The following KCNN3 variants were observed in gnomAD, a reference collection of about 807,000 sequenced individuals.
KCNN3 encodes small conductance calcium-activated potassium channel protein 3.
Under a neutral mutation model 62.9 loss-of-function variants are expected in KCNN3, and 16 were observed. The observed-to-expected ratio is 0.25, with a 90% CI of 0.17 to 0.39. The LOEUF is 0.39. Among genes scored for constraint, KCNN3 ranks in the 10% least tolerant of loss-of-function variants. KCNN3 has a pLI of 1.00. For missense variants in KCNN3, 599 were observed against 949.4 expected, an observed-to-expected ratio of 0.63 and a Z score of 4.85; for synonymous variants, 370 against 389.2, an observed-to-expected ratio of 0.95 and a Z score of 0.58.
At chr1:154,765,625 T>G (rs1331415881) in intron 3 of KCNN3, among the ~76,000 whole-genome samples, 2 of 146,932 alleles carry the variant, frequency 1.4e-5, no homozygotes, top group Non-Finnish European at 3.0e-5. Context: ...TTCTTTCTTT[T>G]TCCTTTTTTT....
At chr1:154,849,945 G>T (rs1271201551) in intron 1 of KCNN3, among the ~76,000 whole-genome samples, 3 of 152,192 alleles carry the variant, frequency 2.0e-5, no homozygotes, top group Non-Finnish European at 4.4e-5. Context: ...AGGAGCAAAA[G>T]TGCCCCAGTT....
chr1:154,750,315 C>T (rs945405624), intron 3 of KCNN3, among the ~76,000 whole-genome samples: 1 of 152,236 alleles, frequency 6.6e-6, no homozygotes, highest in African/African-American at 2.4e-5. Flanking sequence ...GCCTCCTGCA[C>T]CCCTCCTCAC....
chr1:154,795,202 G>A (rs1364220825), intron 2 of KCNN3, among the ~76,000 whole-genome samples: 2 of 152,224 alleles, frequency 1.3e-5, no homozygotes, highest in Admixed American at 6.5e-5. Flanking sequence ...CACTTGTGCA[G>A]CCGCTGGCTA....
chr1:154,714,471 ATGGTGTGTGTGTGGTTTGTG>A (rs1700178086), intron 6 of KCNN3, among the ~76,000 whole-genome samples: 1 of 30,300 alleles, frequency 3.3e-5, no homozygotes, highest in African/African-American at 1.3e-4. Context: ...TGTGGTGTGT[ATGGTGTGTGTGTGGTTTGTG>A]TGAGGTGTGT....
chr1:154,708,224 C>T lies in KCNN3; in HGVS notation c.1948G>A (p.Glu650Lys). 1 of 1,613,822 alleles carries T rather than the reference C, an allele frequency of 6.2e-7. No individual in the cohort carries two copies. Among genetic ancestry groups the T allele is most frequent in the Non-Finnish European group, 8.5e-7 (1 of 1,179,966 alleles). The change falls in exon 8 of 8, where the codon GAA becomes AAA. Residue 650 changes from glutamate to lysine, a missense_variant. Physicochemically the swap from Glu to Lys is moderately conservative, Grantham distance 56. Transcript: ENST00000271915. ...CTGCCAATCTGCTTCTCCAGGTCTTCGCTCCGGTCATTGAGTTCTGTGATT... is the reference window on the plus strand; with the variant it reads ...CTGCCAATCTGCTTCTCCAGGTCTTTGCTCCGGTCATTGAGTTCTGTGATT... The part of the protein sequence containing the change: ...DLITELNDRS[E>K]DLEKQIGSLE...
At chr1:154,735,658 A>AGC (rs1700698942) in intron 3 of KCNN3, among the ~76,000 whole-genome samples, 1 of 152,112 alleles carries the variant, frequency 6.6e-6, no homozygotes, top group Non-Finnish European at 1.5e-5. Context: ...ACCGTGACCC[A>AGC]GCGCATCAGC....
chr1:154,810,001 C>T (rs1378356412), intron 2 of KCNN3, among the ~76,000 whole-genome samples: 2 of 152,186 alleles, frequency 1.3e-5, no homozygotes, highest in African/African-American at 4.8e-5. Context: ...CCCTGGGCTG[C>T]TGTGGACCAA....
chr1:154,707,816 T>C lies in KCNN3; in HGVS notation c.*160A>G, dbSNP rs1177663369. Reference sequence around the variant, plus strand: ...ATTAGATTTCTGGTTTCAAGGCATGTCGGACCAAGCACGCTGAATGAACAT... The same window carrying C: ...ATTAGATTTCTGGTTTCAAGGCATGCCGGACCAAGCACGCTGAATGAACAT... On this transcript the variant is annotated 3_prime_UTR_variant, in exon 8 of 8. Transcript: ENST00000271915. 3.7e-6 allele frequency: 3 copies of C among 811,920 alleles called. No individual in the cohort carries two copies. The highest frequency in any genetic ancestry group is 5.8e-6 in the Non-Finnish European group (3 of 515,452). The allele number at this position is 811,920 out of a possible 1,614,324, so 50.3% of individuals were successfully genotyped here. A position where few individuals can be genotyped will look rare whatever the true frequency, so the allele number is the denominator to read the frequency against.
At chr1:154,759,554 G>A (rs1349730483) in intron 3 of KCNN3, among the ~76,000 whole-genome samples, 2 of 152,198 alleles carry the variant, frequency 1.3e-5, no homozygotes, top group Non-Finnish European at 2.9e-5. Context: ...CATGCCCTTA[G>A]GCATCCGCTG....
chr1:154,745,002 G>A (rs1700909665), intron 3 of KCNN3, among the ~76,000 whole-genome samples: 1 of 151,316 alleles, frequency 6.6e-6, no homozygotes, highest in South Asian at 2.1e-4. Context: ...TAAAATAAAT[G>A]GCTTTGAAGA....
chr1:154,761,568 A>C (rs945353154), intron 3 of KCNN3, among the ~76,000 whole-genome samples: 4 of 152,356 alleles, frequency 2.6e-5, no homozygotes, highest in Middle Eastern at 3.4e-3. Context: ...GTAATATCCT[A>C]CATAATGCTA....
chr1:154,784,392 G>A (rs1295423412), intron 2 of KCNN3, among the ~76,000 whole-genome samples: 1 of 152,152 alleles, frequency 6.6e-6, no homozygotes, highest in East Asian at 1.9e-4. Flanking sequence ...CACACCCGGT[G>A]TCTCATCCCA....
chr1:154,862,174 C>G lies in KCNN3; in HGVS notation c.933+6858G>C, dbSNP rs1474745756. On this transcript the variant is annotated intron_variant, in intron 1 of 7. Transcript: ENST00000271915. The surrounding 1 kb of genome is among the most constrained non-coding windows in gnomAD (Gnocchi z 4.1). ...TCAGAAGTGTACTGAGACCTGAGCTCTCATTCTAGAACCCTCTCTTTCCTG... is the reference window on the plus strand; with the variant it reads ...TCAGAAGTGTACTGAGACCTGAGCTGTCATTCTAGAACCCTCTCTTTCCTG... 1.3e-5 allele frequency among the ~76,000 whole-genome samples: 2 copies of G among 152,164 alleles called. No homozygotes were observed. Among genetic ancestry groups the G allele is most frequent in the African/African-American group, 4.8e-5 (2 of 41,420 alleles).
intron 4 of KCNN3, 117 bp downstream of exon 4, chr1:154,732,886 G>A: frequency 3.6e-6 from 4 of 1,104,734 alleles, no homozygotes; most frequent in Non-Finnish European, 4.2e-6. Context: ...ATGCAGGTCG[G>A]TTAACTAACA....
chr1:154,706,116 T>G lies in KCNN3; in HGVS notation c.*1860A>C, dbSNP rs1419536693. ...AATTATCAAGGCAGGCCATTAAGAC[T>G]ATAAACCATCAAAAGAGCAGCAGCA... is the stretch of plus-strand genomic sequence containing the variant. On this transcript the variant is annotated 3_prime_UTR_variant, in exon 8 of 8. Transcript: ENST00000271915. 6.6e-6 allele frequency: 1 copy of G among 152,192 alleles called. No homozygotes were observed. The highest frequency in any genetic ancestry group is 1.9e-4 in the East Asian group (1 of 5,198). 9.4% of individuals were successfully genotyped at this position (152,192 alleles called of 1,614,324 possible). A position where few individuals can be genotyped will look rare whatever the true frequency, so the allele number is the denominator to read the frequency against.
intron 3 of KCNN3, among the ~76,000 whole-genome samples, chr1:154,753,970 C>T (rs925275011): frequency 1.2e-4 from 19 of 152,158 alleles, no homozygotes; most frequent in Non-Finnish European, 7.4e-5. Context: ...AGGCTATGAG[C>T]GCACGTTTCT....
rs1699894708 is a variant in KCNN3, at chr1:154,703,196, A to AGCCTGGCACAAGCTTTCTACT, written c.*4759_*4779dup. On this transcript the variant is annotated 3_prime_UTR_variant, in exon 8 of 8. Transcript: ENST00000271915. ...GTTTAACATTAATTTCTATTCATGC[A>AGCCTGGCACAAGCTTTCTACT]GCCTGGCACAAGCTTTCTACTACCA... 6.6e-6 allele frequency: 1 copy of AGCCTGGCACAAGCTTTCTACT among 152,184 alleles called. No individual in the cohort carries two copies. The highest frequency in any genetic ancestry group is 2.1e-4 in the South Asian group (1 of 4,828). 9.4% of individuals were successfully genotyped at this position (152,184 alleles called of 1,614,324 possible). A position where few individuals can be genotyped will look rare whatever the true frequency, so the allele number is the denominator to read the frequency against.
intron 1 of KCNN3, among the ~76,000 whole-genome samples, chr1:154,825,432 C>A (rs1363552660): frequency 6.9e-6 from 1 of 144,306 alleles, no homozygotes; most frequent in African/African-American, 2.6e-5. Context: ...GTGGCACGAT[C>A]TCAGCTCACT....
chr1:154,719,586 C>T (rs1700303180), intron 5 of KCNN3, among the ~76,000 whole-genome samples: 1 of 152,166 alleles, frequency 6.6e-6, no homozygotes, highest in African/African-American at 2.4e-5. Context: ...ATGACTGTAA[C>T]TTCAAGGAGT....
Sources: gnomAD v4.1 joint callset for allele counts (sites outside exome capture counted in the v4.1 genomes callset) on GRCh38, gnomAD v4.1.1 for gene constraint, Gnocchi (gnomAD v3.1) non-coding constraint, MANE v1.5 for transcripts, NCBI Gene and HGNC (gene_info 2026-07-23, HGNC 2026-07-21) for gene names.